Variants in ZNF713 observed in about 807,000 individuals in gnomAD.
ZNF713 encodes zinc finger protein 713.
Under a neutral mutation model 28.7 loss-of-function variants are expected in ZNF713, and 21 were observed. That is an observed-to-expected ratio of 0.73 (90% CI 0.52 to 1.05). The LOEUF (loss-of-function observed/expected upper bound fraction) is 1.05, where lower values mean the gene tolerates loss of function less well. Among genes scored for constraint, ZNF713 ranks in the 50% least tolerant of loss-of-function variants. The probability of loss-of-function intolerance (pLI) is 0.00; values close to 1 mark genes in which losing one functional copy is unlikely to be tolerated. For missense variants in ZNF713, 458 were observed against 532.4 expected, an observed-to-expected ratio of 0.86 and a Z score of 1.37; for synonymous variants, 167 against 178.0, an observed-to-expected ratio of 0.94 and a Z score of 0.49.
At position 55,939,950 on chromosome 7, in the gene ZNF713, T is replaced by C. The variant is rs765074148; in HGVS notation, c.1276T>C (p.Cys426Arg). 1.7e-5 allele frequency: 28 copies of C among 1,612,680 alleles called. No homozygotes were observed. Among genetic ancestry groups the C allele is most frequent in the Admixed American group, 1.3e-4 (8 of 59,888 alleles). ...GAAAATCCATACTCGGGAGAAATTATGTGAATATAAATGTGAGCAAACTGT... is the reference window on the plus strand; with the variant it reads ...GAAAATCCATACTCGGGAGAAATTACGTGAATATAAATGTGAGCAAACTGT... ...HRKIHTREKL[C>R]EYKCEQTVRH... The change falls in exon 7 of 7, where the codon TGT becomes CGT. Residue 426 changes from cysteine (C) to arginine (R), a missense_variant. By Grantham distance (180) the Cys-to-Arg change is radical (BLOSUM62 -3). Transcript: ENST00000429591.
chr7:55,912,644 C>T lies in ZNF713; in HGVS notation c.8C>T (p.Ser3Phe). 1 of 1,611,476 alleles carries T rather than the reference C, an allele frequency of 6.2e-7. No individual in the cohort carries two copies. The highest frequency in any genetic ancestry group is 1.1e-5 in the South Asian group (1 of 90,350). Residue 3 changes from serine to phenylalanine, a missense_variant, in exon 4 of 7, where the codon TCT becomes TTT. Ser to Phe is a radical substitution (Grantham distance 155). Coordinates refer to ENST00000429591, the MANE Select transcript of ZNF713 (RefSeq NM_182633.3). The stretch of plus-strand genomic sequence containing the variant: ...CTTCTCTTTTTCCTAGTTATGCCTT[C>T]TCAGAATGCTGTTTTTTCTCAGGAG... MPSQNAVFSQEGN... is the reference protein window; with the variant it reads MPFQNAVFSQEGN...
intron 1 of ZNF713, among the ~76,000 whole-genome samples, chr7:55,897,558 A>G (rs1045712290): frequency 4.6e-5 from 7 of 152,076 alleles, no homozygotes; most frequent in Non-Finnish European, 8.8e-5. Flanking sequence ...TAGGATTACA[A>G]GCATACAAGC....
At chr7:55,888,141 A>G (rs1785312686) in intron 1 of ZNF713, among the ~76,000 whole-genome samples, 1 of 152,080 alleles carries the variant, frequency 6.6e-6, no homozygotes, top group African/African-American at 2.4e-5. Flanking sequence ...TCCTCATCTC[A>G]GGATTATGCA....
intron 1 of ZNF713, among the ~76,000 whole-genome samples, 182 bp downstream of exon 1, chr7:55,887,862 G>GGC (rs1469828579): frequency 7.5e-5 from 1 of 13,410 alleles, no homozygotes; most frequent in African/African-American, 5.5e-4. Flanking sequence ...GGCGGGCGGC[G>GGC]GGCGGCGGCG....
chr7:55,919,345 A>G (rs755251134), intron 4 of ZNF713, among the ~76,000 whole-genome samples: 145 of 152,278 alleles, frequency 9.5e-4, no homozygotes, highest in Middle Eastern at 3.4e-3. Flanking sequence ...GTCCTCTCTT[A>G]AACGCAAGGT....
At chr7:55,891,288 C>T (rs1003001040) in intron 1 of ZNF713, among the ~76,000 whole-genome samples, 47 of 152,092 alleles carry the variant, frequency 3.1e-4, no homozygotes, top group Admixed American at 3.0e-3. Flanking sequence ...AATTGTGTCT[C>T]CATTTACGCC....
At chr7:55,917,068 G>A (rs1415032923) in intron 4 of ZNF713, among the ~76,000 whole-genome samples, 1 of 152,016 alleles carries the variant, frequency 6.6e-6, no homozygotes, top group Non-Finnish European at 1.5e-5. Flanking sequence ...TAAAAAATTA[G>A]CCAGGCATAG....
chr7:55,893,148 G>T (rs1785419785), intron 1 of ZNF713, among the ~76,000 whole-genome samples: 1 of 152,118 alleles, frequency 6.6e-6, no homozygotes, highest in Admixed American at 6.5e-5. Context: ...CTCCCAAAGT[G>T]CTGGGATTAC....
intron 1 of ZNF713, among the ~76,000 whole-genome samples, chr7:55,893,569 G>A (rs1785425177): frequency 6.6e-6 from 1 of 152,038 alleles, no homozygotes; most frequent in Non-Finnish European, 1.5e-5. Flanking sequence ...AAGCATTCCT[G>A]TTTTTTGTTG....
intron 6 of ZNF713, among the ~76,000 whole-genome samples, chr7:55,925,894 A>G (rs963640992): frequency 2.0e-5 from 3 of 152,166 alleles, no homozygotes; most frequent in African/African-American, 7.2e-5. Flanking sequence ...GCAGGGACCT[A>G]CAGCAGAGAG....
chr7:55,919,331 A>G (rs988708141), intron 4 of ZNF713, among the ~76,000 whole-genome samples: 2 of 152,086 alleles, frequency 1.3e-5, no homozygotes, highest in Admixed American at 1.3e-4. Flanking sequence ...GCCTCAGAGG[A>G]CCTGTCCTCT....
chr7:55,898,706 A>G (rs956131899), intron 1 of ZNF713, among the ~76,000 whole-genome samples: 4 of 152,244 alleles, frequency 2.6e-5, no homozygotes, highest in African/African-American at 7.2e-5. Context: ...AAAATATATA[A>G]GGAACTCAGT....
intron 1 of ZNF713, among the ~76,000 whole-genome samples, chr7:55,890,683 T>G (rs145791853): frequency 2.6e-5 from 4 of 152,100 alleles, no homozygotes; most frequent in East Asian, 1.9e-4. Context: ...AATAAAGATA[T>G]AAGAAGAATT....
At chr7:55,904,684 A>G (rs1785645385) in intron 1 of ZNF713, among the ~76,000 whole-genome samples, 1 of 152,082 alleles carries the variant, frequency 6.6e-6, no homozygotes, top group Non-Finnish European at 1.5e-5. Context: ...TGGTAGTTGC[A>G]AAAGGGGTGT....
Position 55,887,600 on chromosome 7 carries a change from C to CGCGGCGGCG in ZNF713, c.-632_-624dup, listed in dbSNP as rs369789359. On this transcript the variant is annotated 5_prime_UTR_variant, in exon 1 of 7. Transcript: ENST00000429591. ...GGCACCTTCTCCCTCCCGGGTCCAC[C>CGCGGCGGCG]GCGGCGGCGGCGGCGGCGGCGGCGG... 2,712 of 178,592 alleles carry CGCGGCGGCG rather than the reference C, an allele frequency of 0.015. 78 individuals are homozygous for CGCGGCGGCG. Among genetic ancestry groups the CGCGGCGGCG allele is most frequent in the East Asian group, 0.045 (261 of 5,806 alleles). 11.1% of individuals were successfully genotyped at this position (178,592 alleles called of 1,614,324 possible). A position where few individuals can be genotyped will look rare whatever the true frequency, so the allele number is the denominator to read the frequency against.
chr7:55,931,122 C>G (rs1786200952), intron 6 of ZNF713, among the ~76,000 whole-genome samples: 1 of 152,046 alleles, frequency 6.6e-6, no homozygotes, highest in South Asian at 2.1e-4. Context: ...CCTGTCTCTA[C>G]TAAAGATACA....
chr7:55,917,946 G>A (rs899927058), intron 4 of ZNF713: 5 of 431,746 alleles, frequency 1.2e-5, no homozygotes, highest in Admixed American at 2.4e-5. Flanking sequence ...CACTGCTGGT[G>A]TGAATGTGAC....
At chr7:55,897,663 C>T (rs1785498927) in intron 1 of ZNF713, among the ~76,000 whole-genome samples, 1 of 152,042 alleles carries the variant, frequency 6.6e-6, no homozygotes, top group African/African-American at 2.4e-5. Flanking sequence ...TAACTTTTAC[C>T]ATAGAGCAAC....
chr7:55,902,780 A>G (rs1438111783), intron 1 of ZNF713, among the ~76,000 whole-genome samples: 9 of 152,192 alleles, frequency 5.9e-5, no homozygotes, highest in Admixed American at 5.9e-4. Context: ...GATCAGAGAA[A>G]GAACATTAGT....
Sources: allele counts gnomAD v4.1 joint callset (sites outside exome capture counted in the v4.1 genomes callset), GRCh38; gene constraint gnomAD v4.1.1; transcripts MANE v1.5; gene names NCBI Gene and HGNC (gene_info 2026-07-23, HGNC 2026-07-21).